ATP11A: variants seen among roughly 807,000 people sequenced by gnomAD.
ATP11A encodes the protein ATPase phospholipid transporting 11A, also known as phospholipid-transporting ATPase IH.
A neutral mutation model predicts 154.4 loss-of-function variants in ATP11A; 81 were observed. The observed-to-expected ratio is 0.52, with a 90% CI of 0.44 to 0.63. The LOEUF (loss-of-function observed/expected upper bound fraction) is 0.63, where lower values mean the gene tolerates loss of function less well. Among genes scored for constraint, ATP11A ranks in the 30% least tolerant of loss-of-function variants. ATP11A has a pLI of 0.00. For missense variants in ATP11A, 1,316 were observed against 1,474.3 expected (o/e 0.89, Z 1.76); for synonymous variants, 623 against 585.9 (o/e 1.06, Z -0.91).
intron 1 of ATP11A, chr13:112,745,301 G>A (rs1448623996): frequency 6.6e-6 from 1 of 152,242 alleles, no homozygotes; most frequent in African/African-American, 2.4e-5. Flanking sequence ...CTGACCTCAG[G>A]TGATTCACCC....
intron 1 of ATP11A, among the ~76,000 whole-genome samples, chr13:112,714,213 G>A (rs775184253): frequency 7.4e-6 from 1 of 136,018 alleles, no homozygotes; most frequent in Non-Finnish European, 1.6e-5. Context: ...TCTTGCACCC[G>A]CTCTCTTTCC....
intron 1 of ATP11A, among the ~76,000 whole-genome samples, chr13:112,714,344 G>A (rs1017598915): frequency 3.9e-5 from 6 of 152,094 alleles, no homozygotes; most frequent in African/African-American, 1.4e-4. Flanking sequence ...GCAGCCACAG[G>A]ACCCCACTGT....
At chr13:112,794,108 C>T (rs2077933913) in intron 2 of ATP11A, among the ~76,000 whole-genome samples, 1 of 152,196 alleles carries the variant, frequency 6.6e-6, no homozygotes, top group African/African-American at 2.4e-5. Context: ...AGAGAGGTGC[C>T]AAGCACCACT....
At chr13:112,752,823 T>C (rs1401385392) in intron 1 of ATP11A, among the ~76,000 whole-genome samples, 5 of 152,202 alleles carry the variant, frequency 3.3e-5, no homozygotes, top group South Asian at 2.1e-4. Flanking sequence ...TAGTTGTCAG[T>C]GTAGCATCGG....
At chr13:112,863,051 A>G (rs1390049927) in intron 25 of ATP11A, among the ~76,000 whole-genome samples, 78 of 144,930 alleles carry the variant, frequency 5.4e-4, no homozygotes, top group African/African-American at 1.9e-3. Context: ...AGTGCGGCCC[A>G]TGCAGCTTCC....
At chr13:112,779,105 TGAG>T (rs2077428081) in intron 1 of ATP11A, among the ~76,000 whole-genome samples, 2 of 43,106 alleles carry the variant, frequency 4.6e-5, no homozygotes, top group East Asian at 1.4e-3. Flanking sequence ...GCCACTGGAG[TGAG>T]TAGCCACTGG....
chr13:112,858,351 AC>A (rs1188928854), intron 22 of ATP11A, 61 bp downstream of exon 22: 25 of 1,525,806 alleles, frequency 1.6e-5, no homozygotes, highest in Middle Eastern at 4.9e-4. Context: ...GGGTGGCACG[AC>A]CCTTGTCTGA....
chr13:112,699,248 A>C (rs768990267), intron 1 of ATP11A, among the ~76,000 whole-genome samples: 1 of 152,258 alleles, frequency 6.6e-6, no homozygotes, highest in Non-Finnish European at 1.5e-5. Context: ...AAGACCACTT[A>C]GATGAATATA....
chr13:112,813,078 AG>A (rs557123495), intron 5 of ATP11A, among the ~76,000 whole-genome samples: 55 of 152,332 alleles, frequency 3.6e-4, no homozygotes, highest in African/African-American at 1.3e-3. Flanking sequence ...GATGCTAAAC[AG>A]GCTACTCAGG....
chr13:112,811,006 A>G (rs17121711), intron 5 of ATP11A, among the ~76,000 whole-genome samples: 18,519 of 151,540 alleles, frequency 0.12, 1,343 homozygotes, highest in Admixed American at 0.17. Flanking sequence ...CTTTGGCAAA[A>G]CAGACTGAGA....
chr13:112,786,624 T>G (rs1274372834), intron 2 of ATP11A, among the ~76,000 whole-genome samples: 2 of 129,638 alleles, frequency 1.5e-5, no homozygotes, highest in Non-Finnish European at 3.2e-5. Flanking sequence ...GTGGACGGGC[T>G]GCACATGGGG....
At chr13:112,808,437 C>G (rs945433024) in intron 4 of ATP11A, among the ~76,000 whole-genome samples, 10 of 152,090 alleles carry the variant, frequency 6.6e-5, no homozygotes, top group African/African-American at 9.7e-5. Flanking sequence ...CTTGCTTCCC[C>G]TACTGCTGGT....
chr13:112,727,223 T>A (rs1889978725), intron 1 of ATP11A, among the ~76,000 whole-genome samples: 2 of 152,138 alleles, frequency 1.3e-5, no homozygotes, highest in Admixed American at 6.5e-5. Context: ...AATTTTGTAT[T>A]TTTAGTAGAG....
chr13:112,737,262 T>A (rs1891086682), intron 1 of ATP11A, among the ~76,000 whole-genome samples: 1 of 152,132 alleles, frequency 6.6e-6, no homozygotes, highest in Admixed American at 6.5e-5. Flanking sequence ...GGGTCCACAG[T>A]CACAACAGGG....
rs1489031777 is a variant in ATP11A at position 112,857,856 on chromosome 13, C to T, written c.2457C>T (p.Ile819=). ...TCAAATTTTCAAAAGAGCACCCAAT[C>T]ACGTTAGCAATTGGCGATGGTGCAA... ...KLIKFSKEHP[I]TLAIGDGAND... Residue 819 remains isoleucine, a synonymous_variant, in exon 21 of 30, where the codon ATC becomes ATT. Coordinates refer to ENST00000375645, the MANE Select transcript of ATP11A (RefSeq NM_015205.3). The T allele has an allele frequency of 1.9e-6, 3 of 1,614,192 alleles. No homozygotes were observed. Among genetic ancestry groups the T allele is most frequent in the African/African-American group, 2.7e-5 (2 of 75,066 alleles).
At chr13:112,751,886 T>C (rs1216163317) in intron 1 of ATP11A, among the ~76,000 whole-genome samples, 1 of 152,180 alleles carries the variant, frequency 6.6e-6, no homozygotes. Flanking sequence ...CTCCCAGTTT[T>C]TCATTTGTCT....
Position 112,880,655 on chromosome 13 carries a change from T to C in ATP11A, c.*10-1221T>C, listed in dbSNP as rs772974159. On this transcript the variant is annotated intron_variant, in intron 29 of 29. Transcript: ENST00000375645. ...CGCAGTTAGCTCCACGCTAGGTAAC[T>C]GTGCGGCTGCTGGACGCCGCCCGTG... 5 of 1,290,226 alleles carry C rather than the reference T, an allele frequency of 3.9e-6. No homozygotes were observed. The South Asian group carries it at 6.2e-5, about 16-fold the overall frequency. 79.9% of individuals were successfully genotyped at this position (1,290,226 alleles called of 1,614,324 possible).
At chr13:112,844,716 CG>C (rs2079525843) in intron 17 of ATP11A, among the ~76,000 whole-genome samples, 2 of 146,220 alleles carry the variant, frequency 1.4e-5, no homozygotes, top group East Asian at 4.0e-4. Flanking sequence ...ACTAGTTCAG[CG>C]GCCGCTAGTC....
At chr13:112,766,621 A>G (rs1373343019) in intron 1 of ATP11A, among the ~76,000 whole-genome samples, 1 of 152,026 alleles carries the variant, frequency 6.6e-6, no homozygotes, top group East Asian at 1.9e-4. Flanking sequence ...CCTGTAAGGG[A>G]AGGGGAAGGG....
Sources: gnomAD v4.1 joint callset for allele counts (sites outside exome capture counted in the v4.1 genomes callset) on GRCh38, gnomAD v4.1.1 for gene constraint, MANE v1.5 for transcripts, NCBI Gene and HGNC (gene_info 2026-07-23, HGNC 2026-07-21) for gene names.